The following RYR1 variants were observed in gnomAD, a reference collection of about 807,000 sequenced individuals.
The protein encoded by RYR1 is central core disease of muscle.
In RYR1, 342 loss-of-function variants were observed where a neutral mutation model predicts 583.5. The observed-to-expected ratio is 0.59, with a 90% CI of 0.54 to 0.64. The LOEUF (loss-of-function observed/expected upper bound fraction) is 0.64. Among genes scored for constraint, RYR1 ranks in the 30% least tolerant of loss-of-function variants. RYR1 has a pLI of 0.00. For missense variants in RYR1, 6,032 were observed against 6,917.2 expected (o/e 0.87, Z 4.54); for synonymous variants, 2,791 against 2,822.5 (o/e 0.99, Z 0.35).
At position 38,499,384 on chromosome 19, in the gene RYR1, C is replaced by A; in HGVS notation, c.7027+141C>A. On this transcript the variant is annotated intron_variant, in intron 43 of 105. Transcript: ENST00000359596. This position sits in a 1 kb window ranked among gnomAD's most constrained non-coding sequence, Gnocchi z 7.3. ...CCAGCAGGCCTGGGGCTGGCAGGGGCCTGTGTTACCCCTGGAGGTGTTGGG... is the reference window on the plus strand; with the variant it reads ...CCAGCAGGCCTGGGGCTGGCAGGGGACTGTGTTACCCCTGGAGGTGTTGGG... 1.4e-6 allele frequency: 2 copies of A among 1,383,074 alleles called. No individual in the cohort carries two copies. Among genetic ancestry groups the A allele is most frequent in the South Asian group, 2.4e-5 (2 of 84,390 alleles). The allele number at this position is 1,383,074 out of a possible 1,614,324, so 85.7% of individuals were successfully genotyped here.
At chr19:38,529,570 A>G (rs1243537546) in intron 76 of RYR1, among the ~76,000 whole-genome samples, 1 of 152,218 alleles carries the variant, frequency 6.6e-6, no homozygotes, top group Non-Finnish European at 1.5e-5. Context: ...TCACAAGGGC[A>G]TGTCTGAGGG....
In RYR1 at chr19:38,517,408, G is replaced by A; in HGVS notation, c.9735G>A (p.Val3245=). 6.2e-7 allele frequency: 1 copy of A among 1,614,096 alleles called. No homozygotes were observed. Among genetic ancestry groups the A allele is most frequent in the Non-Finnish European group, 8.5e-7 (1 of 1,180,012 alleles). Residue 3245 remains valine, a synonymous_variant, in exon 66 of 106, where the codon GTG becomes GTA. Coordinates refer to ENST00000359596, the MANE Select transcript of RYR1 (RefSeq NM_000540.3). ...SVEEMCPDIP[V]LERLMADIGG... ...AGGAGATGTGTCCCGACATCCCGGT[G>A]CTGGAGCGGCTCATGGCAGACATTG... is the stretch of plus-strand genomic sequence containing the variant.
In RYR1 at chr19:38,478,631, G is replaced by A. The variant is rs185846307; in HGVS notation, c.4620+31G>A. 4.4e-6 allele frequency: 7 copies of A among 1,603,890 alleles called. No homozygotes were observed. The South Asian group carries it at 6.6e-5, about 15-fold the overall frequency. ...TCCAGGCCACAGCAATTTAGCGAGA[G>A]CATCATGTCCCAGCATCCCAGGACA... On this transcript the variant is annotated intron_variant, in intron 31 of 105. Coordinates refer to ENST00000359596, the MANE Select transcript of RYR1 (RefSeq NM_000540.3).
intron 101 of RYR1, among the ~76,000 whole-genome samples, chr19:38,584,665 G>A (rs1329131551): frequency 1.9e-5 from 1 of 52,022 alleles, no homozygotes; most frequent in Admixed American, 2.5e-4. Flanking sequence ...TCCTGGCCCT[G>A]ACCCCTCTGC....
intron 47 of RYR1, among the ~76,000 whole-genome samples, chr19:38,502,002 A>C (rs531693888): frequency 6.6e-6 from 1 of 150,990 alleles, no homozygotes; most frequent in South Asian, 2.1e-4. Context: ...AAAAAAGAAA[A>C]ATAAATTAGC....
Position 38,483,276 on chromosome 19 carries a change from C to G in RYR1, c.4708-14C>G, listed in dbSNP as rs371783666. ...GCTGGCCATCTTGACCCATGTGTGT[C>G]TCTCTGCCCTCAGAACATCATGCCG... On this transcript the variant is annotated splice_polypyrimidine_tract_variant and intron_variant, in intron 32 of 105. Coordinates refer to ENST00000359596, the MANE Select transcript of RYR1 (RefSeq NM_000540.3). This position sits in a 1 kb window ranked among gnomAD's most constrained non-coding sequence, Gnocchi z 6.3. 45 of 1,561,158 alleles carry G rather than the reference C, an allele frequency of 2.9e-5. No homozygotes were observed. The highest frequency in any genetic ancestry group is 5.4e-5 in the African/African-American group (4 of 73,786).
At chr19:38,482,319 C>T (rs1417845973) in intron 31 of RYR1, among the ~76,000 whole-genome samples, 1 of 151,854 alleles carries the variant, frequency 6.6e-6, no homozygotes, top group Non-Finnish European at 1.5e-5. Context: ...GAGTTGGGTC[C>T]CAGGGTGCAA....
rs769196275 is a variant in RYR1, at chr19:38,519,424, C to G, written c.10229C>G (p.Pro3410Arg). The G allele has an allele frequency of 6.2e-7, 1 of 1,600,826 alleles. No individual in the cohort carries two copies. ...TGCCGGGACCTCTACGCCCTGTATC[C>G]GCTGCTCATCCGCTACGTGGACAAC... The part of the protein sequence containing the change: ...VLCRDLYALY[P>R]LLIRYVDNNR... Residue 3410 changes from proline to arginine, a missense_variant, in exon 67 of 106, where the codon CCG (proline) becomes CGG (arginine). By Grantham distance (103) the Pro-to-Arg change is moderately radical. Transcript: ENST00000359596.
chr19:38,519,507 C>T, intron 67 of RYR1, 53 bp downstream of exon 67: 2 of 1,552,920 alleles, frequency 1.3e-6, no homozygotes, highest in Non-Finnish European at 1.7e-6. Flanking sequence ...CCCACGTCCT[C>T]CAGCCCCATC....
At chr19:38,555,890 G>A (rs1972857713) in intron 89 of RYR1, among the ~76,000 whole-genome samples, 1 of 151,938 alleles carries the variant, frequency 6.6e-6, no homozygotes. Flanking sequence ...TTGAGACAGG[G>A]TCTCACTCTG....
chr19:38,520,092 T>A (rs1971157756), intron 67 of RYR1, among the ~76,000 whole-genome samples: 1 of 147,608 alleles, frequency 6.8e-6, no homozygotes, highest in African/African-American at 2.5e-5. Flanking sequence ...TTTTTTTTTA[T>A]TGAGACAGGG....
chr19:38,502,802 G>GGCAGGGGCAGGGGGAGGGGGAGGA (rs1555784574), intron 48 of RYR1, 75 bp downstream of exon 48: 5 of 1,039,538 alleles, frequency 4.8e-6, no homozygotes, highest in South Asian at 1.8e-5. Flanking sequence ...CAGGGGCAGG[G>GGCAGGGGCAGGGGGAGGGGGAGGA]GCAGGGGGAG....
Position 38,532,726 on chromosome 19 carries a change from T to A in RYR1, c.11249T>A (p.Val3750Asp). The A allele has an allele frequency of 1.9e-6, 3 of 1,613,778 alleles. No individual in the cohort carries two copies. Among genetic ancestry groups the A allele is most frequent in the Non-Finnish European group, 2.5e-6 (3 of 1,179,932 alleles). Residue 3750 changes from valine to aspartate, a missense_variant, in exon 78 of 106, where the codon GTC becomes GAC. Around this residue, in one of 11 missense-constraint regions of RYR1, gnomAD observed 1,493 missense variants for 1,715.5 expected, o/e 0.87. Coordinates refer to ENST00000359596, the MANE Select transcript of RYR1 (RefSeq NM_000540.3). ...GGTGAAGCTGAAGAGGAGGTTGAGG[T>A]CTCCTTTGAGGTAGGTGGGCTCAGG... is the stretch of plus-strand genomic sequence containing the variant. ...ENGEAEEEVE[V>D]SFEEKQMEKQ...
chr19:38,440,924 G>C (rs1478118140), intron 2 of RYR1, 60 bp downstream of exon 2: 25 of 1,574,090 alleles, frequency 1.6e-5, no homozygotes, highest in Non-Finnish European at 2.1e-5. Flanking sequence ...AGAGAATCTT[G>C]GGTCCAAAGA....
At chr19:38,564,868 G>A (rs551310799) in intron 90 of RYR1, 91 bp from the exon 91 acceptor site, 2 of 1,525,982 alleles carry the variant, frequency 1.3e-6, no homozygotes, top group East Asian at 5.0e-5. Context: ...AGCGCCTGCC[G>A]CGGTGACCCC....
At chr19:38,450,611 G>A (rs1012612378) in intron 11 of RYR1, among the ~76,000 whole-genome samples, 1 of 151,988 alleles carries the variant, frequency 6.6e-6, no homozygotes, top group Admixed American at 6.6e-5. Flanking sequence ...GTGGGGAGGT[G>A]GTATCTGATT....
At position 38,494,365 on chromosome 19, in the gene RYR1, G is replaced by A; in HGVS notation, c.6288G>A (p.Glu2096=). 1 of 1,611,504 alleles carries A rather than the reference G, an allele frequency of 6.2e-7. No individual in the cohort carries two copies. The highest frequency in any genetic ancestry group is 8.5e-7 in the Non-Finnish European group (1 of 1,179,932). Residue 2096 remains glutamate (E), a synonymous_variant, in exon 39 of 106, where the codon GAG becomes GAA. Transcript: ENST00000359596. Reference sequence around the variant, plus strand: ...TCTCCTTCCCAGGGTCCCTGCAGGAGCTGGTGTCCCACATGGTGGTGCGCT... The same window carrying A: ...TCTCCTTCCCAGGGTCCCTGCAGGAACTGGTGTCCCACATGGTGGTGCGCT... ...AEESKPRSLQ[E]LVSHMVVRWA... is the part of the protein sequence containing the mutation.
rs60482983 is a variant in RYR1, at chr19:38,492,360, CAAAAA to C, written c.6128-117_6128-113del. 1,016 of 726,742 alleles carry C rather than the reference CAAAAA, an allele frequency of 1.4e-3. 1 individual carries two copies. The highest frequency in any genetic ancestry group is 1.3e-3 in the South Asian group (72 of 56,804). The allele number at this position is 726,742 out of a possible 1,614,324, so 45.0% of individuals were successfully genotyped here. On this transcript the variant is annotated intron_variant, in intron 37 of 105. Coordinates refer to ENST00000359596, the MANE Select transcript of RYR1 (RefSeq NM_000540.3). The stretch of plus-strand genomic sequence containing the variant: ...ACTGCAACAGAACAAGACACTGTCT[CAAAAA>C]AAAAAAAAAAAAGGAAATGAAAAAC...
At chr19:38,564,539 A>G (rs1973297844) in intron 90 of RYR1, among the ~76,000 whole-genome samples, 1 of 149,242 alleles carries the variant, frequency 6.7e-6, no homozygotes, top group Non-Finnish European at 1.5e-5. Context: ...TTTTCTTGAG[A>G]CAGACTTTCA....
Sources: gnomAD v4.1 joint callset for allele counts (sites outside exome capture counted in the v4.1 genomes callset) on GRCh38, gnomAD v4.1.1 for gene constraint, gnomAD v4.1.1 regional missense constraint, Gnocchi (gnomAD v3.1) non-coding constraint, MANE v1.5 for transcripts, NCBI Gene and HGNC (gene_info 2026-07-23, HGNC 2026-07-21) for gene names.